Variants in SYT1 observed in about 807,000 individuals in gnomAD.
SYT1 encodes synaptotagmin-1.
A neutral mutation model predicts 44.8 loss-of-function variants in SYT1; 8 were observed. The ratio of observed to expected loss-of-function variants is 0.18; its 90% CI spans 0.10 to 0.32. The LOEUF is 0.32. Ranked by LOEUF, SYT1 falls within the 10% of genes least tolerant of loss-of-function variation. The pLI is 1.00. For synonymous variants in SYT1, 154 were observed against 188.8 expected (o/e 0.82, Z 1.51); for missense variants, 286 against 509.3 (o/e 0.56, Z 4.22).
At chr12:79,089,640 C>A (rs2137994242) in intron 3 of SYT1, among the ~76,000 whole-genome samples, 1 of 152,146 alleles carries the variant, frequency 6.6e-6, no homozygotes, top group East Asian at 1.9e-4. Context: ...ATCCAAGGCC[C>A]TATATCTGTC....
At chr12:78,988,176 T>G (rs1027283467) in intron 2 of SYT1, among the ~76,000 whole-genome samples, 15 of 151,906 alleles carry the variant, frequency 9.9e-5, no homozygotes, top group Non-Finnish European at 2.2e-4. Flanking sequence ...TACCTGGTGC[T>G]GGGGGATACA....
rs1322303300 is a variant in SYT1 at position 79,450,234 on chromosome 12, C to CTT, written c.*1112_*1113dup. The CTT allele has an allele frequency of 6.6e-6, 1 of 152,500 alleles. No individual in the cohort carries two copies. The highest frequency in any genetic ancestry group is 6.6e-5 in the Admixed American group (1 of 15,264). The allele number at this position is 152,500 out of a possible 1,614,324, so 9.4% of individuals were successfully genotyped here. The stretch of plus-strand genomic sequence containing the variant: ...AATCTGTGCTTATTACACAAAATTA[C>CTT]TTTGTGGTAAACAGACAGTATTGTA... On this transcript the variant is annotated 3_prime_UTR_variant, in exon 11 of 11. Transcript: ENST00000261205.
At chr12:78,938,545 G>C (rs1365488168) in intron 1 of SYT1, among the ~76,000 whole-genome samples, 1 of 151,996 alleles carries the variant, frequency 6.6e-6, no homozygotes, top group Non-Finnish European at 1.5e-5. Context: ...ATTTGCACAG[G>C]TGCAAGTAAA....
chr12:79,072,024 A>T (rs56198149), intron 3 of SYT1, among the ~76,000 whole-genome samples: 18,054 of 150,038 alleles, frequency 0.12, 1,148 homozygotes, highest in Non-Finnish European at 0.13. Flanking sequence ...TAATTAAAAC[A>T]TCAGAGAATA....
intron 2 of SYT1, among the ~76,000 whole-genome samples, chr12:78,980,544 G>T (rs1171369870): frequency 2.6e-5 from 4 of 152,042 alleles, no homozygotes; most frequent in Admixed American, 2.6e-4. Context: ...TACTTTAATT[G>T]GGTTGTGTTT....
intron 2 of SYT1, among the ~76,000 whole-genome samples, chr12:79,007,271 G>A (rs952697724): frequency 2.0e-5 from 3 of 152,078 alleles, no homozygotes; most frequent in Non-Finnish European, 4.4e-5. Flanking sequence ...GTGATGCTTC[G>A]TTAAGTACTC....
chr12:79,321,640 A>T (rs1881363774), intron 8 of SYT1, among the ~76,000 whole-genome samples: 2 of 152,170 alleles, frequency 1.3e-5, no homozygotes, highest in African/African-American at 4.8e-5. Flanking sequence ...TTTAACAAGG[A>T]TCATTTAGGC....
chr12:79,263,132 G>A (rs1238966763), intron 4 of SYT1, among the ~76,000 whole-genome samples: 1 of 152,148 alleles, frequency 6.6e-6, no homozygotes, highest in Non-Finnish European at 1.5e-5. Context: ...CATGATTAAA[G>A]AAATTGTTCA....
At chr12:79,034,179 A>T (rs2137684439) in intron 2 of SYT1, among the ~76,000 whole-genome samples, 1 of 151,638 alleles carries the variant, frequency 6.6e-6, no homozygotes, top group Admixed American at 6.6e-5. Flanking sequence ...AAGATGTTTT[A>T]TCTTGAAAAT....
intron 9 of SYT1, among the ~76,000 whole-genome samples, chr12:79,368,737 A>T (rs1354203797): frequency 6.6e-6 from 1 of 150,854 alleles, no homozygotes; most frequent in Admixed American, 6.6e-5. Flanking sequence ...CCACTTTTTG[A>T]TGGGGTTGTT....
Position 79,149,030 on chromosome 12 carries a change from G to A in SYT1, c.-17-68473G>A, listed in dbSNP as rs1373199262. On this transcript the variant is annotated intron_variant, in intron 3 of 10. Transcript: ENST00000261205. ...CTAAAGTTAAAAAGGAGAATTACTG[G>A]CAAATAAGTATAAGAACATTACTTT... 4.6e-5 allele frequency among the ~76,000 whole-genome samples: 7 copies of A among 152,116 alleles called. No homozygotes were observed. In the East Asian group the frequency reaches 1.4e-3, roughly 29 times the overall value.
intron 1 of SYT1, among the ~76,000 whole-genome samples, chr12:78,880,532 G>A (rs1469464676): frequency 6.6e-6 from 1 of 151,240 alleles, no homozygotes; most frequent in East Asian, 2.0e-4. Context: ...TTTACTTCCT[G>A]ATCTCCGAAT....
chr12:79,188,130 T>G (rs1275681237), intron 3 of SYT1, among the ~76,000 whole-genome samples: 1 of 152,134 alleles, frequency 6.6e-6, no homozygotes, highest in Non-Finnish European at 1.5e-5. Flanking sequence ...TTAAAATAAT[T>G]TTTTAAAGTG....
intron 2 of SYT1, among the ~76,000 whole-genome samples, chr12:78,995,224 T>G (rs573281352): frequency 1.4e-4 from 22 of 152,332 alleles, no homozygotes; most frequent in Middle Eastern, 3.4e-3. Flanking sequence ...AGGCATAGCC[T>G]TGTGTCTTTG....
At chr12:79,302,919 A>C (rs1034580054) in intron 8 of SYT1, among the ~76,000 whole-genome samples, 4 of 152,250 alleles carry the variant, frequency 2.6e-5, no homozygotes, top group Middle Eastern at 3.4e-3. Context: ...TATATATAAA[A>C]CTGTTGTTTC....
chr12:78,887,363 T>C (rs1424549166), intron 1 of SYT1, among the ~76,000 whole-genome samples: 1 of 151,918 alleles, frequency 6.6e-6, no homozygotes, highest in Non-Finnish European at 1.5e-5. Context: ...CAAATGCACA[T>C]GAGTGTGGAT....
intron 9 of SYT1, among the ~76,000 whole-genome samples, chr12:79,416,793 A>C (rs1028824862): frequency 5.9e-5 from 9 of 152,194 alleles, no homozygotes; most frequent in African/African-American, 2.2e-4. Flanking sequence ...TTTGAGATGA[A>C]CAAGTTCTAT....
chr12:79,114,458 G>A lies in SYT1; in HGVS notation c.-18+67096G>A, dbSNP rs371437174. Among the ~76,000 whole-genome samples the A allele has an allele frequency of 5.9e-5, 9 of 152,216 alleles. 1 individual carries two copies. Among genetic ancestry groups the A allele is most frequent in the East Asian group, 3.9e-4 (2 of 5,176 alleles). ...ATCAGGTAGCTACAGGTATTGGGAGGTAAGGGGGCTGATGCTCAATTCCTC... is the reference window on the plus strand; with the variant it reads ...ATCAGGTAGCTACAGGTATTGGGAGATAAGGGGGCTGATGCTCAATTCCTC... On this transcript the variant is annotated intron_variant, in intron 3 of 10. Coordinates refer to ENST00000261205, the MANE Select transcript of SYT1 (RefSeq NM_005639.3).
At chr12:79,105,591 A>G (rs1337117097) in intron 3 of SYT1, among the ~76,000 whole-genome samples, 3 of 152,172 alleles carry the variant, frequency 2.0e-5, no homozygotes, top group African/African-American at 7.2e-5. Flanking sequence ...TAAGAAAATA[A>G]GCAGTTTGGC....
Sources: allele counts gnomAD v4.1 joint callset (sites outside exome capture counted in the v4.1 genomes callset), GRCh38; gene constraint gnomAD v4.1.1; transcripts MANE v1.5; gene names NCBI Gene and HGNC (gene_info 2026-07-23, HGNC 2026-07-21).